EPM2A: variants seen among roughly 807,000 people sequenced by gnomAD.
The protein encoded by EPM2A is EPM2A glucan phosphatase, laforin.
Under a neutral mutation model 26.5 loss-of-function variants are expected in EPM2A, and 21 were observed. The ratio of observed to expected loss-of-function variants is 0.79; its 90% confidence interval spans 0.56 to 1.14. The LOEUF (loss-of-function observed/expected upper bound fraction) is 1.14, where lower values mean the gene tolerates loss of function less well. Ranked by LOEUF, EPM2A falls within the 50% of genes most tolerant of loss-of-function variation. The probability of loss-of-function intolerance (pLI) is 0.00; values close to 1 mark genes in which losing one functional copy is unlikely to be tolerated. For missense variants in EPM2A, 458 were observed against 440.8 expected (o/e 1.04, Z -0.35); for synonymous variants, 217 against 177.6 (o/e 1.22, Z -1.76).
chr6:145,679,484 A>T (rs1215375219), intron 2 of EPM2A, among the ~76,000 whole-genome samples: 3 of 152,020 alleles, frequency 2.0e-5, no homozygotes. Flanking sequence ...AAGACAAGAA[A>T]ATTGAAAACT....
intron 2 of EPM2A, among the ~76,000 whole-genome samples, chr6:145,609,740 C>T (rs915993548): frequency 6.6e-6 from 1 of 152,188 alleles, no homozygotes; most frequent in African/African-American, 2.4e-5. Flanking sequence ...GCCAATTGAA[C>T]ATTCAATTTT....
chr6:145,705,710 G>A (rs922499512), intron 1 of EPM2A: 5 of 404,794 alleles, frequency 1.2e-5, no homozygotes, highest in Admixed American at 1.1e-4. Context: ...TCTTGGCAAA[G>A]AGAAAGGAGA....
intron 3 of EPM2A, chr6:145,630,639 G>C (rs904825901): frequency 1.3e-5 from 2 of 152,140 alleles, no homozygotes; most frequent in African/African-American, 4.8e-5. Context: ...CAGAGAAGTA[G>C]CTGGTCCAGG....
chr6:145,455,565 C>G (rs1204422850), intron 4 of EPM2A, among the ~76,000 whole-genome samples: 1 of 152,106 alleles, frequency 6.6e-6, no homozygotes. Flanking sequence ...ACCATGTTGG[C>G]CAGGCTGGTC....
At chr6:145,531,726 CA>C (rs1780358311) in intron 2 of EPM2A, among the ~76,000 whole-genome samples, 1 of 152,182 alleles carries the variant, frequency 6.6e-6, no homozygotes, top group African/African-American at 2.4e-5. Context: ...CTGGATGATG[CA>C]GCTTCCTCAG....
chr6:145,517,944 A>G (rs1224016268), intron 2 of EPM2A, among the ~76,000 whole-genome samples: 1 of 152,210 alleles, frequency 6.6e-6, no homozygotes, highest in African/African-American at 2.4e-5. Flanking sequence ...ATTTCCAGAA[A>G]AAAAAATTTT....
At chr6:145,542,174 A>G (rs1040485248) in intron 2 of EPM2A, among the ~76,000 whole-genome samples, 3 of 152,264 alleles carry the variant, frequency 2.0e-5, no homozygotes, top group Non-Finnish European at 4.4e-5. Flanking sequence ...TTCACCATGA[A>G]AAGCACTGTT....
At chr6:145,455,145 G>A (rs1044654768) in intron 4 of EPM2A, among the ~76,000 whole-genome samples, 9 of 151,786 alleles carry the variant, frequency 5.9e-5, no homozygotes, top group Admixed American at 2.6e-4. Context: ...ACTTAAAATT[G>A]TGTTGTGGTA....
chr6:145,498,642 C>T (rs993552176), downstream of EPM2A, among the ~76,000 whole-genome samples: 24 of 152,202 alleles, frequency 1.6e-4, no homozygotes, highest in African/African-American at 5.8e-4. Flanking sequence ...TGTGTCACGC[C>T]TGCATGGGCT....
intron 2 of EPM2A, among the ~76,000 whole-genome samples, chr6:145,646,928 C>A (rs550734178): frequency 3.5e-4 from 54 of 152,138 alleles, no homozygotes; most frequent in Non-Finnish European, 7.2e-4. Context: ...CAGGAAACAT[C>A]GCTTGTCTTC....
intron 2 of EPM2A, among the ~76,000 whole-genome samples, chr6:145,575,256 A>T (rs998555248): frequency 1.2e-4 from 18 of 152,166 alleles, no homozygotes; most frequent in Non-Finnish European, 1.5e-5. Flanking sequence ...GGTAAATCAG[A>T]GTTTACAAAC....
At chr6:145,414,884 C>T (rs1231028215) in intron 4 of EPM2A, among the ~76,000 whole-genome samples, 1 of 152,168 alleles carries the variant, frequency 6.6e-6, no homozygotes, top group Non-Finnish European at 1.5e-5. Context: ...GTGTCTTATT[C>T]TAGAAAGTTC....
At chr6:145,448,369 A>C (rs28463439) in intron 4 of EPM2A, among the ~76,000 whole-genome samples, 8,507 of 152,158 alleles carry the variant, frequency 0.056, 790 homozygotes, top group African/African-American at 0.19. Flanking sequence ...ACTGGGAAAA[A>C]GGCAAGAGAA....
At chr6:145,609,637 C>T (rs968060665) in intron 2 of EPM2A, among the ~76,000 whole-genome samples, 1 of 152,162 alleles carries the variant, frequency 6.6e-6, no homozygotes, top group Non-Finnish European at 1.5e-5. Flanking sequence ...GTTTTCTACA[C>T]ACGTAATGTG....
intron 4 of EPM2A, among the ~76,000 whole-genome samples, chr6:145,386,356 C>T (rs1010499521): frequency 5.9e-5 from 9 of 151,624 alleles, no homozygotes; most frequent in Admixed American, 3.3e-4. Context: ...ATATTTAAAA[C>T]GAGGGAAAAA....
At chr6:145,498,951 A>G (rs956204628), downstream of EPM2A, among the ~76,000 whole-genome samples, 4 of 152,050 alleles carry the variant, frequency 2.6e-5, no homozygotes, top group Non-Finnish European at 5.9e-5. Context: ...ATTTCTCTCT[A>G]TTCCCTCCAC....
chr6:145,454,319 T>G (rs1779233546), intron 4 of EPM2A, among the ~76,000 whole-genome samples: 1 of 152,128 alleles, frequency 6.6e-6, no homozygotes, highest in Non-Finnish European at 1.5e-5. Flanking sequence ...TCAATAAATT[T>G]TAAAAGCCCC....
chr6:145,729,840 T>C (rs1776395153), intron 1 of EPM2A, among the ~76,000 whole-genome samples: 1 of 152,186 alleles, frequency 6.6e-6, no homozygotes, highest in Non-Finnish European at 1.5e-5. Flanking sequence ...TGGAATGATA[T>C]GGTTTAGATT....
At chr6:145,405,313 T>C (rs1302663881) in intron 4 of EPM2A, among the ~76,000 whole-genome samples, 1 of 152,164 alleles carries the variant, frequency 6.6e-6, no homozygotes, top group African/African-American at 2.4e-5. Flanking sequence ...TATGTTCTGA[T>C]GACAACTAGT....
Sources: allele counts gnomAD v4.1 joint callset (sites outside exome capture counted in the v4.1 genomes callset), GRCh38; gene constraint gnomAD v4.1.1; transcripts MANE v1.5; gene names NCBI Gene and HGNC (gene_info 2026-07-23, HGNC 2026-07-21).